Variants in DLGAP2 observed in about 807,000 individuals in gnomAD.
The protein encoded by DLGAP2 is disks large-associated protein 2.
Under a neutral mutation model 100.3 loss-of-function variants are expected in DLGAP2, and 26 were observed. The observed-to-expected ratio is 0.26, with a 90% confidence interval of 0.19 to 0.36. The LOEUF is 0.36. Ranked by LOEUF, DLGAP2 falls within the 10% of genes least tolerant of loss-of-function variation. The pLI is 1.00. For missense variants in DLGAP2, 1,858 were observed against 1,453.2 expected, an observed-to-expected ratio of 1.28 and a Z score of -4.53; for synonymous variants, 886 against 630.1, an observed-to-expected ratio of 1.41 and a Z score of -6.08.
intron 3 of DLGAP2, among the ~76,000 whole-genome samples, chr8:1,425,772 G>A (rs1327995163): frequency 1.3e-5 from 2 of 152,286 alleles, no homozygotes; most frequent in African/African-American, 2.4e-5. Flanking sequence ...TAAACCCACA[G>A]CAAAGCCGCT....
intron 12 of DLGAP2, among the ~76,000 whole-genome samples, chr8:1,683,995 T>TATATATACAC (rs1563061391): frequency 7.7e-6 from 1 of 130,274 alleles, no homozygotes; most frequent in Non-Finnish European, 1.6e-5. Flanking sequence ...TATACTTTTT[T>TATATATACAC]TTTTAAGACG....
At chr8:1,096,866 C>A (rs111600435) in intron 2 of DLGAP2, among the ~76,000 whole-genome samples, 13 of 139,132 alleles carry the variant, frequency 9.3e-5, no homozygotes, top group African/African-American at 2.2e-4. Flanking sequence ...CCTTCACCCT[C>A]TGTGGCATGG....
intron 8 of DLGAP2, among the ~76,000 whole-genome samples, chr8:1,666,763 T>C (rs1354523146): frequency 1.3e-5 from 2 of 152,078 alleles, no homozygotes; most frequent in Non-Finnish European, 2.9e-5. Flanking sequence ...ATGGCAGGCT[T>C]GTTTTGTCGT....
chr8:976,947 T>C (rs1290369387), intron 2 of DLGAP2, among the ~76,000 whole-genome samples: 1 of 152,194 alleles, frequency 6.6e-6, no homozygotes, highest in Non-Finnish European at 1.5e-5. Context: ...TGAACTTGCA[T>C]TAAAGTTAAA....
intron 2 of DLGAP2, among the ~76,000 whole-genome samples, chr8:1,209,603 G>A (rs943929178): frequency 3.9e-5 from 6 of 152,188 alleles, no homozygotes; most frequent in Non-Finnish European, 7.3e-5. Context: ...ATGGTATTTG[G>A]AGATGGGGTT....
At chr8:1,531,155 G>C (rs1800976555) in intron 4 of DLGAP2, among the ~76,000 whole-genome samples, 1 of 151,842 alleles carries the variant, frequency 6.6e-6, no homozygotes, top group Non-Finnish European at 1.5e-5. Flanking sequence ...AGCAACTTAA[G>C]TTCCTCCCCT....
At chr8:818,351 A>G (rs1227151491) in intron 1 of DLGAP2, among the ~76,000 whole-genome samples, 3 of 152,164 alleles carry the variant, frequency 2.0e-5, no homozygotes, top group Non-Finnish European at 2.9e-5. Flanking sequence ...TCTAACTCCC[A>G]CCGTGCCCCA....
intron 1 of DLGAP2, chr8:822,206 C>T (rs1031044884): frequency 5.0e-6 from 2 of 399,256 alleles, no homozygotes; most frequent in African/African-American, 2.1e-5. Flanking sequence ...ACAGTGTGAT[C>T]TTGCTCTTGC....
intron 2 of DLGAP2, among the ~76,000 whole-genome samples, chr8:921,825 G>A (rs565477757): frequency 5.9e-5 from 9 of 152,334 alleles, no homozygotes; most frequent in Admixed American, 3.9e-4. Context: ...CAAGGGAGCC[G>A]GGCCAGGGTC....
At chr8:1,140,215 A>C (rs1428124410) in intron 2 of DLGAP2, among the ~76,000 whole-genome samples, 2 of 152,132 alleles carry the variant, frequency 1.3e-5, no homozygotes, top group Non-Finnish European at 2.9e-5. Flanking sequence ...TCCGGGCCTC[A>C]GCGCTCGTCC....
At chr8:1,195,314 C>T (rs1361771350) in intron 2 of DLGAP2, among the ~76,000 whole-genome samples, 3 of 152,132 alleles carry the variant, frequency 2.0e-5, no homozygotes, top group African/African-American at 7.2e-5. Flanking sequence ...GGAGCAGAGC[C>T]TGAAGTCAGG....
intron 2 of DLGAP2, among the ~76,000 whole-genome samples, chr8:1,053,928 A>C (rs1176918395): frequency 6.6e-6 from 1 of 152,226 alleles, no homozygotes; most frequent in Non-Finnish European, 1.5e-5. Flanking sequence ...AAAAGATTAA[A>C]AATGATCCCT....
At chr8:968,882 T>A (rs777722618) in intron 2 of DLGAP2, among the ~76,000 whole-genome samples, 3 of 152,108 alleles carry the variant, frequency 2.0e-5, no homozygotes, top group Non-Finnish European at 4.4e-5. Context: ...ATCCACCTTG[T>A]AAGGAATCAA....
intron 2 of DLGAP2, among the ~76,000 whole-genome samples, chr8:1,147,088 A>G (rs527373087): frequency 2.0e-5 from 3 of 152,330 alleles, no homozygotes; most frequent in African/African-American, 7.2e-5. Flanking sequence ...GACATTTGGC[A>G]TCCTTATATT....
chr8:1,540,540 A>T (rs984404444), intron 4 of DLGAP2, among the ~76,000 whole-genome samples: 2 of 152,238 alleles, frequency 1.3e-5, no homozygotes, highest in African/African-American at 4.8e-5. Flanking sequence ...GAAAAGAAAA[A>T]AAAACACCCA....
At chr8:796,861 C>A (rs957595239) in intron 1 of DLGAP2, among the ~76,000 whole-genome samples, 1 of 152,240 alleles carries the variant, frequency 6.6e-6, no homozygotes, top group African/African-American at 2.4e-5. Flanking sequence ...CTTCCTTTCC[C>A]TTAGTGCAGC....
At chr8:1,070,576 G>A (rs1803397116) in intron 2 of DLGAP2, among the ~76,000 whole-genome samples, 1 of 152,148 alleles carries the variant, frequency 6.6e-6, no homozygotes, top group African/African-American at 2.4e-5. Flanking sequence ...GTCTACTCAT[G>A]TTCCAAACAG....
intron 1 of DLGAP2, among the ~76,000 whole-genome samples, chr8:809,216 C>T (rs1772309388): frequency 6.6e-6 from 1 of 152,078 alleles, no homozygotes; most frequent in African/African-American, 2.4e-5. Context: ...ATGATTACTT[C>T]TTCATATTTT....
At chr8:1,225,401 G>T (rs190648335) in intron 2 of DLGAP2, among the ~76,000 whole-genome samples, 1 of 152,174 alleles carries the variant, frequency 6.6e-6, no homozygotes, top group Non-Finnish European at 1.5e-5. Context: ...ACAGAACACC[G>T]AGGTAATTGC....
Sources: gnomAD v4.1 joint callset for allele counts (sites outside exome capture counted in the v4.1 genomes callset) on GRCh38, gnomAD v4.1.1 for gene constraint, MANE v1.5 for transcripts, NCBI Gene and HGNC (gene_info 2026-07-23, HGNC 2026-07-21) for gene names.